TPM1: variants seen among roughly 807,000 people sequenced by gnomAD.
TPM1 encodes the protein tropomyosin alpha-1 chain.
TPM1 carries 24 observed loss-of-function variants against 42.9 expected under a neutral mutation model. That is an observed-to-expected ratio of 0.56 (90% CI 0.41 to 0.79). TPM1 has a LOEUF of 0.79. Ranked by LOEUF, TPM1 falls within the 30% of genes least tolerant of loss-of-function variation. TPM1 has a pLI of 0.00. For missense variants in TPM1, 158 were observed against 351.8 expected (o/e 0.45, Z 4.41); for synonymous variants, 136 against 130.1 (o/e 1.05, Z -0.31).
chr15:63,064,498 T>C, intron 9 of TPM1: 1 of 1,101,746 alleles, frequency 9.1e-7, no homozygotes, highest in Non-Finnish European at 1.1e-6. Context: ...TCAAAAAATA[T>C]CAAAATTTGT....
intron 6 of TPM1, 190 bp downstream of exon 6, chr15:63,061,978 G>T: frequency 1.5e-6 from 1 of 673,502 alleles, no homozygotes; most frequent in South Asian, 1.8e-5. Context: ...GGGATATGAG[G>T]CATCAATTTA....
At chr15:63,061,510 G>C in intron 5 of TPM1, 1 of 719,620 alleles carries the variant, frequency 1.4e-6, no homozygotes, top group Non-Finnish European at 2.4e-6. Flanking sequence ...GTTGGATTTG[G>C]TCACCCTGCC....
chr15:63,053,887 G>A (rs1399372577), intron 2 of TPM1, among the ~76,000 whole-genome samples: 1 of 151,816 alleles, frequency 6.6e-6, no homozygotes, highest in Admixed American at 6.6e-5. Context: ...TCACCATGTT[G>A]GTCAGGCTGG....
At chr15:63,057,394 A>G (rs1228619479) in intron 3 of TPM1, among the ~76,000 whole-genome samples, 1 of 152,246 alleles carries the variant, frequency 6.6e-6, no homozygotes, top group East Asian at 1.9e-4. Flanking sequence ...AGGGAGACAG[A>G]CATGTAAAGG....
At chr15:63,069,499 G>C (rs568673769), downstream of TPM1, among the ~76,000 whole-genome samples, 1 of 152,150 alleles carries the variant, frequency 6.6e-6, no homozygotes, top group Non-Finnish European at 1.5e-5. Context: ...CGCTGGGCTC[G>C]CCTCCAGCCA....
chr15:63,043,951 C>T lies in TPM1; in HGVS notation c.115-76C>T, dbSNP rs568005444. 5 of 1,567,182 alleles carry T rather than the reference C, an allele frequency of 3.2e-6. No homozygotes were observed. In the African/African-American group the frequency reaches 5.4e-5, roughly 17 times the overall value. ...GTCCCTGTCCTTCTGGTTCTGTGCA[C>T]CCACACCCCTCCCCTTCGGGATCAC... On this transcript the variant is annotated intron_variant, in intron 1 of 9. Transcript: ENST00000403994.
At chr15:63,048,788 C>CG in intron 2 of TPM1, 5 of 1,489,748 alleles carry the variant, frequency 3.4e-6, no homozygotes, top group East Asian at 2.6e-5. Context: ...CTGCTTCCCC[C>CG]CCCGCAGGCC....
chr15:63,057,267 T>G, intron 3 of TPM1, 149 bp downstream of exon 3: 1 of 1,111,134 alleles, frequency 9.0e-7, no homozygotes, highest in Non-Finnish European at 1.3e-6. Flanking sequence ...ACTCGGTTGG[T>G]TTTGTTCATT....
At chr15:63,067,725 T>C (rs552311605), downstream of TPM1, among the ~76,000 whole-genome samples, 1 of 152,322 alleles carries the variant, frequency 6.6e-6, no homozygotes, top group South Asian at 2.1e-4. Flanking sequence ...CTTGTTCAAC[T>C]GTTGATTTGA....
chr15:63,065,096 G>A (rs2036134094), intron 9 of TPM1: 1 of 985,258 alleles, frequency 1.0e-6, no homozygotes, highest in South Asian at 4.7e-5. Context: ...AAATAAATGG[G>A]AAATTAAACA....
chr15:63,053,777 G>T (rs1369103295), intron 2 of TPM1, among the ~76,000 whole-genome samples: 2 of 150,216 alleles, frequency 1.3e-5, no homozygotes, highest in Non-Finnish European at 3.0e-5. Flanking sequence ...TGCCTCCCGG[G>T]TTCAAGCAAT....
At chr15:63,056,377 C>T (rs551874964) in intron 2 of TPM1, 91 of 157,768 alleles carry the variant, frequency 5.8e-4, no homozygotes, top group Admixed American at 8.7e-4. Context: ...TTGAACTCTA[C>T]GGAAGTGGGC....
chr15:63,057,471 A>G (rs2034987222), intron 3 of TPM1, among the ~76,000 whole-genome samples: 1 of 152,234 alleles, frequency 6.6e-6, no homozygotes, highest in East Asian at 1.9e-4. Flanking sequence ...TGCATTTTTT[A>G]AAGTGTAACT....
chr15:63,046,363 A>G (rs1443378288), intron 2 of TPM1: 1 of 152,250 alleles, frequency 6.6e-6, no homozygotes, highest in Non-Finnish European at 1.5e-5. Flanking sequence ...ATGTCACTAG[A>G]AAAAGGGAGA....
chr15:63,048,319 A>G, intron 2 of TPM1: 1 of 959,822 alleles, frequency 1.0e-6, no homozygotes, highest in Non-Finnish European at 1.5e-6. Flanking sequence ...GAGCATGCGC[A>G]GTGCCCCCAG....
intron 4 of TPM1, 106 bp from the exon 5 acceptor site, chr15:63,060,763 G>A: frequency 7.9e-7 from 1 of 1,265,412 alleles, no homozygotes; most frequent in African/African-American, 1.5e-5. Context: ...ATTGTTTGTA[G>A]ACAAAACCCT....
In TPM1 at chr15:63,052,696, C is replaced by T. The variant is rs142335978; in HGVS notation, c.241-4289C>T. ...TATGGGCTTGTACCGGCAGAGGCAACAGCAGGTCCTTAAGACTCCCCAGGT... is the reference window on the plus strand; with the variant it reads ...TATGGGCTTGTACCGGCAGAGGCAATAGCAGGTCCTTAAGACTCCCCAGGT... On this transcript the variant is annotated intron_variant, in intron 2 of 9. Coordinates refer to ENST00000403994, the MANE Select transcript of TPM1 (RefSeq NM_001018005.2). Among the ~76,000 whole-genome samples, 70 of 151,706 alleles carry T rather than the reference C, an allele frequency of 4.6e-4. 1 individual carries two copies. The East Asian group carries it at 0.014, about 29-fold the overall frequency.
chr15:63,066,042 C>T lies in TPM1; in HGVS notation c.*143C>T. The T allele has an allele frequency of 3.2e-6, 5 of 1,545,880 alleles. No homozygotes were observed. Among genetic ancestry groups the T allele is most frequent in the Non-Finnish European group, 3.5e-6 (4 of 1,147,416 alleles). ...TAGAGCCAGGCACACACTGTGCTTT[C>T]TATTGTACAGAAGCTCTTCGTTTCA... On this transcript the variant is annotated 3_prime_UTR_variant, in exon 10 of 10. Coordinates refer to ENST00000403994, the MANE Select transcript of TPM1 (RefSeq NM_001018005.2).
downstream of TPM1, among the ~76,000 whole-genome samples, chr15:63,069,696 C>A (rs535118760): frequency 6.6e-6 from 1 of 152,136 alleles, no homozygotes; most frequent in East Asian, 1.9e-4. Flanking sequence ...TAGGGTCTAC[C>A]CTTCCTGGAT....
Sources: gnomAD v4.1 joint callset for allele counts (sites outside exome capture counted in the v4.1 genomes callset) on GRCh38, gnomAD v4.1.1 for gene constraint, MANE v1.5 for transcripts, NCBI Gene and HGNC (gene_info 2026-07-23, HGNC 2026-07-21) for gene names.